The following PPP2R2B variants were observed in gnomAD, a reference collection of about 807,000 sequenced individuals.
PPP2R2B encodes the protein serine/threonine-protein phosphatase 2A 55 kDa regulatory subunit B beta isoform.
PPP2R2B carries 5 observed loss-of-function variants against 46.0 expected under a neutral mutation model. The observed-to-expected ratio is 0.11, with a 90% confidence interval of 0.06 to 0.23. The LOEUF (loss-of-function observed/expected upper bound fraction) is 0.23, where lower values mean the gene tolerates loss of function less well. Ranked by LOEUF, PPP2R2B falls within the 10% of genes least tolerant of loss-of-function variation. The probability of loss-of-function intolerance (pLI) is 1.00; values close to 1 mark genes in which losing one functional copy is unlikely to be tolerated. For synonymous variants in PPP2R2B, 215 were observed against 206.7 expected (o/e 1.04, Z -0.34); for missense variants, 367 against 575.0 (o/e 0.64, Z 3.70).
intron 2 of PPP2R2B, among the ~76,000 whole-genome samples, chr5:146,781,302 C>T (rs554227136): frequency 1.3e-5 from 2 of 150,832 alleles, no homozygotes; most frequent in South Asian, 2.1e-4. Context: ...TTGCTCTTAG[C>T]CACTACATTA....
chr5:147,022,719 A>C (rs1430039446), intron 1 of PPP2R2B, among the ~76,000 whole-genome samples: 1 of 152,158 alleles, frequency 6.6e-6, no homozygotes, highest in Admixed American at 6.5e-5. Context: ...TAGGGGAAAA[A>C]AGTCCATTAC....
chr5:147,077,275 T>TATACACAC (rs1286822851), intron 2 of PPP2R2B, among the ~76,000 whole-genome samples: 41 of 140,502 alleles, frequency 2.9e-4, no homozygotes, highest in African/African-American at 1.1e-3. Flanking sequence ...TATGTGTGTA[T>TATACACAC]ACACACACAC....
chr5:146,834,055 T>A (rs1268913584), intron 2 of PPP2R2B, among the ~76,000 whole-genome samples: 1 of 152,222 alleles, frequency 6.6e-6, no homozygotes, highest in African/African-American at 2.4e-5. Context: ...AAACTATGGA[T>A]TGTCTAATGA....
At chr5:146,756,634 A>G (rs762774327) in intron 2 of PPP2R2B, among the ~76,000 whole-genome samples, 1 of 152,220 alleles carries the variant, frequency 6.6e-6, no homozygotes, top group Non-Finnish European at 1.5e-5. Flanking sequence ...TCTGTTAGAT[A>G]TTTAAAACCC....
intron 2 of PPP2R2B, among the ~76,000 whole-genome samples, chr5:146,758,387 A>C (rs755218238): frequency 1.3e-5 from 2 of 152,134 alleles, no homozygotes; most frequent in South Asian, 4.2e-4. Flanking sequence ...GCTAAAAGTT[A>C]CCAACATTAC....
At chr5:146,808,992 T>TGTGC (rs1018482859) in intron 2 of PPP2R2B, among the ~76,000 whole-genome samples, 1 of 136,184 alleles carries the variant, frequency 7.3e-6, no homozygotes, top group African/African-American at 2.7e-5. Flanking sequence ...TGTGTGTGTG[T>TGTGC]GTGCGCGCGC....
At chr5:147,049,122 G>GTGTA (rs1756677870) in intron 1 of PPP2R2B, among the ~76,000 whole-genome samples, 1 of 151,798 alleles carries the variant, frequency 6.6e-6, no homozygotes, top group Admixed American at 6.6e-5. Context: ...GTGTGTGTGT[G>GTGTA]TGAGATATTT....
At chr5:146,820,314 GGT>G (rs1758179866) in intron 2 of PPP2R2B, among the ~76,000 whole-genome samples, 1 of 151,870 alleles carries the variant, frequency 6.6e-6, no homozygotes, top group Non-Finnish European at 1.5e-5. Flanking sequence ...TACCCATATA[GGT>G]ACAATAATTT....
intron 7 of PPP2R2B, among the ~76,000 whole-genome samples, chr5:146,602,340 T>C (rs762304212): frequency 7.9e-5 from 12 of 152,204 alleles, no homozygotes; most frequent in African/African-American, 2.9e-4. Context: ...TCAATGAATA[T>C]TTGTTGCTTC....
At chr5:146,634,548 T>C (rs1431241343) in intron 7 of PPP2R2B, among the ~76,000 whole-genome samples, 1 of 152,096 alleles carries the variant, frequency 6.6e-6, no homozygotes, top group Non-Finnish European at 1.5e-5. Flanking sequence ...TTGCCCAGGC[T>C]GTTCTCAGAC....
intron 2 of PPP2R2B, among the ~76,000 whole-genome samples, chr5:146,810,969 C>T (rs138497843): frequency 1.6e-3 from 240 of 148,562 alleles, no homozygotes; most frequent in African/African-American, 5.7e-3. Flanking sequence ...TGAGAACATG[C>T]GGTGTTTGGT....
At chr5:146,672,511 T>G (rs1777435053) in intron 5 of PPP2R2B, among the ~76,000 whole-genome samples, 1 of 149,864 alleles carries the variant, frequency 6.7e-6, no homozygotes, top group African/African-American at 2.5e-5. Flanking sequence ...GACATGGGGG[T>G]GGGGGGAATG....
chr5:147,012,709 G>A (rs1443882677), intron 1 of PPP2R2B, among the ~76,000 whole-genome samples: 4 of 151,318 alleles, frequency 2.6e-5, no homozygotes, highest in Non-Finnish European at 5.9e-5. Flanking sequence ...TTTCTCTTGT[G>A]GGCATTTAGT....
At chr5:146,705,557 G>A (rs1469528404) in intron 2 of PPP2R2B, among the ~76,000 whole-genome samples, 1 of 152,160 alleles carries the variant, frequency 6.6e-6, no homozygotes, top group Non-Finnish European at 1.5e-5. Flanking sequence ...GGATTCTTAG[G>A]TGTCCTGATG....
At chr5:146,936,864 G>GTTT (rs200960195) in intron 1 of PPP2R2B, among the ~76,000 whole-genome samples, 16 of 137,192 alleles carry the variant, frequency 1.2e-4, no homozygotes, top group African/African-American at 1.1e-4. Flanking sequence ...GTGAGCCAGG[G>GTTT]TTTTTTTTTT....
intron 2 of PPP2R2B, among the ~76,000 whole-genome samples, chr5:146,852,856 G>A (rs1258247009): frequency 3.3e-5 from 5 of 152,094 alleles, no homozygotes; most frequent in South Asian, 2.1e-4. Flanking sequence ...ACAAAAAAGC[G>A]GAGGCAGAGT....
chr5:146,807,332 G>T (rs1757237814), intron 2 of PPP2R2B, among the ~76,000 whole-genome samples: 1 of 152,154 alleles, frequency 6.6e-6, no homozygotes, highest in Non-Finnish European at 1.5e-5. Context: ...TTTGCTTATA[G>T]GTGTACTTCA....
intron 1 of PPP2R2B, among the ~76,000 whole-genome samples, chr5:147,007,532 C>T (rs546662323): frequency 3.3e-5 from 5 of 152,274 alleles, no homozygotes; most frequent in African/African-American, 1.2e-4. Context: ...AAAAGCTGGC[C>T]ACCGGAGCCA....
At chr5:146,738,603 C>A (rs1383384305) in intron 2 of PPP2R2B, among the ~76,000 whole-genome samples, 1 of 152,050 alleles carries the variant, frequency 6.6e-6, no homozygotes, top group East Asian at 1.9e-4. Context: ...CAGTGTTAAG[C>A]AAATGACGGT....
Sources: gnomAD v4.1 joint callset for allele counts (sites outside exome capture counted in the v4.1 genomes callset) on GRCh38, gnomAD v4.1.1 for gene constraint, MANE v1.5 for transcripts, NCBI Gene and HGNC (gene_info 2026-07-23, HGNC 2026-07-21) for gene names.